Variants in XYLT1 observed in about 807,000 individuals in gnomAD.
The protein encoded by XYLT1 is beta-D-xylosyltransferase 1.
A neutral mutation model predicts 91.3 loss-of-function variants in XYLT1; 36 were observed. That is an observed-to-expected ratio of 0.39 (90% CI 0.30 to 0.52). The LOEUF is 0.52. Ranked by LOEUF, XYLT1 falls within the 20% of genes least tolerant of loss-of-function variation. The pLI is 0.68. For synonymous variants in XYLT1, 588 were observed against 532.0 expected, an observed-to-expected ratio of 1.11 and a Z score of -1.45; for missense variants, 1,242 against 1,284.5, an observed-to-expected ratio of 0.97 and a Z score of 0.51.
chr16:17,132,862 C>G (rs538649554), intron 9 of XYLT1, among the ~76,000 whole-genome samples: 2 of 152,318 alleles, frequency 1.3e-5, no homozygotes, highest in African/African-American at 4.8e-5. Flanking sequence ...CATCACTGCA[C>G]TCCAGCTTGG....
At chr16:17,428,496 C>G (rs1468521270) in intron 1 of XYLT1, among the ~76,000 whole-genome samples, 2 of 152,314 alleles carry the variant, frequency 1.3e-5, no homozygotes, top group East Asian at 3.9e-4. Flanking sequence ...TGGCCCAGGA[C>G]CTGACCCATG....
chr16:17,157,952 T>C (rs11859306), intron 6 of XYLT1, among the ~76,000 whole-genome samples: 50,417 of 152,080 alleles, frequency 0.33, 8,813 homozygotes, highest in East Asian at 0.64. Context: ...TTTTACCATG[T>C]TGGTCAGGCT....
intron 1 of XYLT1, among the ~76,000 whole-genome samples, chr16:17,398,171 G>T (rs1158598603): frequency 6.6e-6 from 1 of 152,078 alleles, no homozygotes; most frequent in East Asian, 1.9e-4. Context: ...AAGGCAAGAG[G>T]CTAAAACTCC....
At chr16:17,259,603 T>C (rs994943751) in intron 2 of XYLT1, 105 bp from the exon 3 acceptor site, 3 of 1,338,826 alleles carry the variant, frequency 2.2e-6, no homozygotes, top group East Asian at 2.3e-5. Context: ...GCCGGGGCCA[T>C]AGTTTCACAT....
intron 3 of XYLT1, among the ~76,000 whole-genome samples, chr16:17,237,906 G>C (rs1421317227): frequency 6.6e-6 from 1 of 152,188 alleles, no homozygotes; most frequent in Non-Finnish European, 1.5e-5. Context: ...CAGGCGTAAG[G>C]CTGGCTCCAA....
At position 17,310,348 on chromosome 16, in the gene XYLT1, C is replaced by T. The variant is rs531183466; in HGVS notation, c.402+47664G>A. Among the ~76,000 whole-genome samples the T allele has an allele frequency of 1.2e-4, 19 of 152,276 alleles. No individual in the cohort carries two copies. In the South Asian group the frequency reaches 3.9e-3, roughly 32 times the overall value. On this transcript the variant is annotated intron_variant, in intron 2 of 11. Transcript: ENST00000261381. ...ACTTCCCCGGGGAAAGGCTCCTGTT[C>T]CCTTTGGGTCAAGACTCACAGTCAT...
chr16:17,272,649 C>T (rs373632184), intron 2 of XYLT1, among the ~76,000 whole-genome samples: 6 of 152,162 alleles, frequency 3.9e-5, no homozygotes, highest in African/African-American at 1.4e-4. Flanking sequence ...AGGGACCTGA[C>T]AACACTGAGC....
At chr16:17,381,070 A>G (rs2035673997) in intron 1 of XYLT1, among the ~76,000 whole-genome samples, 1 of 152,180 alleles carries the variant, frequency 6.6e-6, no homozygotes, top group East Asian at 1.9e-4. Context: ...TGGCCTGCAA[A>G]GCGTTTTAGA....
chr16:17,347,565 G>A (rs1332693726), intron 2 of XYLT1, among the ~76,000 whole-genome samples: 1 of 152,178 alleles, frequency 6.6e-6, no homozygotes, highest in Non-Finnish European at 1.5e-5. Context: ...TCTAAAAAAA[G>A]AGCTCGTACA....
chr16:17,303,230 G>A (rs1279750878), intron 2 of XYLT1, among the ~76,000 whole-genome samples: 1 of 152,202 alleles, frequency 6.6e-6, no homozygotes, highest in African/African-American at 2.4e-5. Context: ...GCAAACTACA[G>A]CTTTAAGACC....
chr16:17,315,933 C>T (rs73531408), intron 2 of XYLT1, among the ~76,000 whole-genome samples: 2,191 of 152,210 alleles, frequency 0.014, 57 homozygotes, highest in African/African-American at 0.05. Flanking sequence ...AAAGGGCCAA[C>T]GAGAACATGA....
At chr16:17,277,865 T>C (rs2034001611) in intron 2 of XYLT1, among the ~76,000 whole-genome samples, 1 of 152,200 alleles carries the variant, frequency 6.6e-6, no homozygotes, top group Admixed American at 6.5e-5. Flanking sequence ...TTACCCACTG[T>C]TCCCAGATGT....
intron 5 of XYLT1, among the ~76,000 whole-genome samples, chr16:17,176,079 C>T (rs1359529154): frequency 6.6e-6 from 1 of 151,962 alleles, no homozygotes; most frequent in African/African-American, 2.4e-5. Context: ...ACTCTCCTGG[C>T]ACTTAGAAAT....
chr16:17,338,919 T>G (rs1177380745), intron 2 of XYLT1, among the ~76,000 whole-genome samples: 2 of 151,940 alleles, frequency 1.3e-5, no homozygotes, highest in Non-Finnish European at 1.5e-5. Context: ...CTTCCAGGAG[T>G]GTTCTAGGTT....
At chr16:17,287,662 T>G (rs2141793969) in intron 2 of XYLT1, among the ~76,000 whole-genome samples, 1 of 152,306 alleles carries the variant, frequency 6.6e-6, no homozygotes, top group East Asian at 1.9e-4. Flanking sequence ...GATGTCACTT[T>G]GCATTAAGGG....
At chr16:17,376,736 A>G (rs1261502177) in intron 1 of XYLT1, among the ~76,000 whole-genome samples, 2 of 146,008 alleles carry the variant, frequency 1.4e-5, no homozygotes, top group East Asian at 4.3e-4. Context: ...CTGAGGCAGG[A>G]GAATCGCTTG....
rs534436400 is a variant in XYLT1, at chr16:17,292,023, C to CA, written c.403-32526dup. On this transcript the variant is annotated intron_variant, in intron 2 of 11. Transcript: ENST00000261381. ...GCAACATGGCAAAACATCGTCTCTA[C>CA]AAAAAAACCCATAAATAATTAGCCA... 4.6e-3 allele frequency among the ~76,000 whole-genome samples: 692 copies of CA among 151,600 alleles called. 3 individuals carry two copies. Among genetic ancestry groups the CA allele is most frequent in the African/African-American group, 0.016 (671 of 41,278 alleles).
At chr16:17,202,663 C>T (rs1244721548) in intron 3 of XYLT1, among the ~76,000 whole-genome samples, 1 of 152,210 alleles carries the variant, frequency 6.6e-6, no homozygotes, top group African/African-American at 2.4e-5. Context: ...TTCACCTCAC[C>T]CGCACCTCTT....
intron 5 of XYLT1, among the ~76,000 whole-genome samples, chr16:17,169,152 G>A (rs1045466494): frequency 6.6e-6 from 1 of 152,168 alleles, no homozygotes; most frequent in African/African-American, 2.4e-5. Flanking sequence ...AACACTGGGG[G>A]ATGCAGACAT....
Sources: allele counts gnomAD v4.1 joint callset (sites outside exome capture counted in the v4.1 genomes callset), GRCh38; gene constraint gnomAD v4.1.1; transcripts MANE v1.5; gene names NCBI Gene and HGNC (gene_info 2026-07-23, HGNC 2026-07-21).